ALK: variants seen among roughly 807,000 people sequenced by gnomAD.
ALK encodes ALK receptor tyrosine kinase.
In ALK, 74 loss-of-function variants were observed where a neutral mutation model predicts 163.1. The observed-to-expected ratio is 0.45, with a 90% CI of 0.38 to 0.55. The LOEUF (loss-of-function observed/expected upper bound fraction) is 0.55, where lower values mean the gene tolerates loss of function less well. Among genes scored for constraint, ALK ranks in the 20% least tolerant of loss-of-function variants. The pLI is 0.00. For synonymous variants in ALK, 960 were observed against 843.2 expected (o/e 1.14, Z -2.40); for missense variants, 2,063 against 2,105.3 (o/e 0.98, Z 0.39).
At chr2:29,631,214 T>C (rs1240668786) in intron 3 of ALK, among the ~76,000 whole-genome samples, 7 of 152,256 alleles carry the variant, frequency 4.6e-5, no homozygotes, top group Non-Finnish European at 1.5e-5. Flanking sequence ...TATGCATTAT[T>C]GAACAAGCGA....
intron 1 of ALK, among the ~76,000 whole-genome samples, chr2:29,907,991 G>A (rs1481672909): frequency 6.6e-6 from 1 of 152,012 alleles, no homozygotes; most frequent in African/African-American, 2.4e-5. Flanking sequence ...GGCATCTATT[G>A]GCCCAGCTCT....
intron 1 of ALK, among the ~76,000 whole-genome samples, chr2:29,796,610 A>G (rs1558492049): frequency 6.6e-6 from 1 of 152,206 alleles, no homozygotes; most frequent in Non-Finnish European, 1.5e-5. Context: ...ATATGAACAG[A>G]AAGCACAGAT....
chr2:29,510,029 C>T (rs1672466557), intron 4 of ALK, among the ~76,000 whole-genome samples: 1 of 152,182 alleles, frequency 6.6e-6, no homozygotes, highest in African/African-American at 2.4e-5. Context: ...GTAAAGGAAG[C>T]TTGACACTGG....
chr2:29,440,386 C>T (rs945989578), intron 4 of ALK, among the ~76,000 whole-genome samples: 31 of 148,016 alleles, frequency 2.1e-4, no homozygotes, highest in Non-Finnish European at 3.4e-4. Context: ...GTGCGATCTC[C>T]GCTCACTATA....
chr2:29,494,943 G>A (rs146388467), intron 4 of ALK, among the ~76,000 whole-genome samples: 2 of 151,668 alleles, frequency 1.3e-5, no homozygotes, highest in East Asian at 3.9e-4. Context: ...GGACTATTTT[G>A]TTTGTTTCAT....
intron 1 of ALK, among the ~76,000 whole-genome samples, chr2:29,809,249 G>A (rs935522008): frequency 1.3e-5 from 2 of 152,220 alleles, no homozygotes; most frequent in African/African-American, 4.8e-5. Context: ...CACCTACTAT[G>A]TGCCACATGT....
At chr2:29,717,800 G>C (rs1679306933) in intron 1 of ALK, 103 bp from the exon 2 acceptor site, 6 of 1,499,678 alleles carry the variant, frequency 4.0e-6, no homozygotes, top group Non-Finnish European at 4.6e-6. Flanking sequence ...GGGCTTTCAT[G>C]ACATCCATCG....
chr2:29,689,700 G>C (rs1286424690), intron 3 of ALK, among the ~76,000 whole-genome samples: 2 of 152,198 alleles, frequency 1.3e-5, no homozygotes, highest in African/African-American at 2.4e-5. Flanking sequence ...GTGTACCTGT[G>C]AAGATGAACT....
chr2:29,728,665 T>TA (rs1278685813), intron 1 of ALK, among the ~76,000 whole-genome samples: 1 of 152,162 alleles, frequency 6.6e-6, no homozygotes, highest in Non-Finnish European at 1.5e-5. Context: ...TGAGTAGAGT[T>TA]AACTAGTTAA....
At chr2:29,268,523 A>G (rs1665297800) in intron 11 of ALK, among the ~76,000 whole-genome samples, 1 of 152,190 alleles carries the variant, frequency 6.6e-6, no homozygotes, top group Admixed American at 6.5e-5. Context: ...AGGCCCCTGC[A>G]TAGGGTTTGG....
Position 29,675,543 on chromosome 2 carries a change from T to C in ALK, c.952+19307A>G, listed in dbSNP as rs546860143. 3.3e-5 allele frequency among the ~76,000 whole-genome samples: 5 copies of C among 152,114 alleles called. No individual in the cohort carries two copies. The South Asian group carries it at 1.0e-3, about 32-fold the overall frequency. Reference sequence around the variant, plus strand: ...GGGGGAGGTCCGAACCCTCAGTACCTTGAAGGATAGGATGGCCCAGGGGAA... The same window carrying C: ...GGGGGAGGTCCGAACCCTCAGTACCCTGAAGGATAGGATGGCCCAGGGGAA... On this transcript the variant is annotated intron_variant, in intron 3 of 28. Coordinates refer to ENST00000389048, the MANE Select transcript of ALK (RefSeq NM_004304.5).
intron 1 of ALK, chr2:29,892,362 A>T (rs1474783158): frequency 6.6e-6 from 1 of 152,218 alleles, no homozygotes; most frequent in South Asian, 2.1e-4. Context: ...AACAAGCAAC[A>T]TCAATAATAA....
chr2:29,555,394 G>T (rs535691957), intron 3 of ALK, among the ~76,000 whole-genome samples: 3 of 152,064 alleles, frequency 2.0e-5, no homozygotes, highest in Non-Finnish European at 4.4e-5. Context: ...AGGACCTCAG[G>T]CTGGGCTGCT....
Position 29,767,443 on chromosome 2 carries a change from G to A in ALK, c.668-49746C>T, listed in dbSNP as rs1680894945. ...AAAAATGAAAAATCTCATGTCCCAG[G>A]AAACCCATCAGTCCCTGGAAAACCA... On this transcript the variant is annotated intron_variant, in intron 1 of 28. Coordinates refer to ENST00000389048, the MANE Select transcript of ALK (RefSeq NM_004304.5). Among the ~76,000 whole-genome samples, 3 of 152,156 alleles carry A rather than the reference G, an allele frequency of 2.0e-5. No individual in the cohort carries two copies. In the South Asian group the frequency reaches 6.2e-4, roughly 32 times the overall value.
intron 1 of ALK, among the ~76,000 whole-genome samples, chr2:29,896,887 T>C (rs990018230): frequency 2.0e-5 from 3 of 152,184 alleles, no homozygotes; most frequent in Admixed American, 1.3e-4. Context: ...CATGGAAATA[T>C]TGGGAAGAAT....
rs534923477 is a variant in ALK, at chr2:29,590,847, G to T, written c.953-58731C>A. The stretch of plus-strand genomic sequence containing the variant: ...AGCACTTTGGGAGGCCGAGACGGGC[G>T]GATCACGAGGTCAGGAGATCGAGAC... On this transcript the variant is annotated intron_variant, in intron 3 of 28. Coordinates refer to ENST00000389048, the MANE Select transcript of ALK (RefSeq NM_004304.5). Among the ~76,000 whole-genome samples, 263 of 151,760 alleles carry T rather than the reference G, an allele frequency of 1.7e-3. 1 individual carries two copies. Among genetic ancestry groups the T allele is most frequent in the Middle Eastern group, 3.4e-3 (1 of 292 alleles).
At chr2:29,378,061 C>G (rs932374843) in intron 5 of ALK, among the ~76,000 whole-genome samples, 5 of 152,182 alleles carry the variant, frequency 3.3e-5, no homozygotes, top group African/African-American at 1.2e-4. Context: ...TAGTGGCCTG[C>G]TATAAAATGT....
chr2:29,780,933 G>A (rs768334024), intron 1 of ALK, among the ~76,000 whole-genome samples: 1 of 152,180 alleles, frequency 6.6e-6, no homozygotes, highest in Non-Finnish European at 1.5e-5. Flanking sequence ...AGGTCAGGTA[G>A]GAATGGATTA....
At chr2:29,207,527 C>G (rs916281381) in intron 25 of ALK, among the ~76,000 whole-genome samples, 3 of 152,180 alleles carry the variant, frequency 2.0e-5, no homozygotes, top group Admixed American at 2.0e-4. Flanking sequence ...GACTAAGATA[C>G]CTGCTAGCAG....
Sources: allele counts gnomAD v4.1 joint callset (sites outside exome capture counted in the v4.1 genomes callset), GRCh38; gene constraint gnomAD v4.1.1; transcripts MANE v1.5; gene names NCBI Gene and HGNC (gene_info 2026-07-23, HGNC 2026-07-21).